COL24A1: variants seen among roughly 807,000 people sequenced by gnomAD.
COL24A1 encodes the protein collagen type XXIV alpha 1 chain.
A neutral mutation model predicts 253.9 loss-of-function variants in COL24A1; 224 were observed. The ratio of observed to expected loss-of-function variants is 0.88; its 90% CI spans 0.79 to 0.99. The LOEUF (loss-of-function observed/expected upper bound fraction) is 0.99. Among genes scored for constraint, COL24A1 ranks in the 50% least tolerant of loss-of-function variants. The pLI is 0.00. For missense variants in COL24A1, 2,131 were observed against 2,068.5 expected (o/e 1.03, Z -0.59); for synonymous variants, 685 against 673.7 (o/e 1.02, Z -0.26).
intron 19 of COL24A1, among the ~76,000 whole-genome samples, chr1:85,990,559 C>G (rs1247761473): frequency 6.6e-6 from 1 of 152,134 alleles, no homozygotes; most frequent in Non-Finnish European, 1.5e-5. Context: ...GCTGTGCAGC[C>G]CAGTTCCTAA....
At chr1:85,993,505 T>G (rs1694493350) in intron 19 of COL24A1, among the ~76,000 whole-genome samples, 1 of 150,674 alleles carries the variant, frequency 6.6e-6, no homozygotes, top group South Asian at 2.1e-4. Context: ...AAATTCCAAT[T>G]AATCTCGAGT....
At chr1:86,131,569 T>C (rs553968026) in intron 2 of COL24A1, among the ~76,000 whole-genome samples, 1 of 143,790 alleles carries the variant, frequency 7.0e-6, no homozygotes, top group African/African-American at 2.6e-5. Context: ...TGTTCATGTG[T>C]TCTCATTGTT....
chr1:85,923,927 A>T (rs1181305896), intron 24 of COL24A1, among the ~76,000 whole-genome samples: 1 of 152,206 alleles, frequency 6.6e-6, no homozygotes, highest in South Asian at 2.1e-4. Context: ...TGCTAGCAAG[A>T]CTAATAAAGA....
At chr1:85,827,535 G>T (rs936274460) in intron 43 of COL24A1, among the ~76,000 whole-genome samples, 1 of 151,826 alleles carries the variant, frequency 6.6e-6, no homozygotes, top group African/African-American at 2.4e-5. Context: ...GGTAGAATTC[G>T]GCTGTGAATC....
At chr1:85,927,512 C>T (rs536561968) in intron 24 of COL24A1, among the ~76,000 whole-genome samples, 2 of 129,626 alleles carry the variant, frequency 1.5e-5, no homozygotes, top group East Asian at 4.7e-4. Flanking sequence ...GGGAGGGGCG[C>T]CCGCCATTGC....
intron 59 of COL24A1, among the ~76,000 whole-genome samples, chr1:85,733,965 C>T (rs988299946): frequency 2.7e-5 from 4 of 150,414 alleles, no homozygotes; most frequent in African/African-American, 7.3e-5. Flanking sequence ...TGCAGTGGTG[C>T]GATCTTGGCT....
intron 51 of COL24A1, among the ~76,000 whole-genome samples, chr1:85,782,431 T>C (rs1013006284): frequency 1.3e-5 from 2 of 152,290 alleles, no homozygotes; most frequent in South Asian, 4.1e-4. Context: ...TTAGGGTACA[T>C]GTGCACAACG....
intron 5 of COL24A1, among the ~76,000 whole-genome samples, chr1:86,107,950 C>T (rs991913472): frequency 5.9e-5 from 9 of 151,850 alleles, no homozygotes; most frequent in African/African-American, 2.2e-4. Flanking sequence ...TGACTAAATC[C>T]CCAAGAGGCC....
At chr1:85,809,163 T>C (rs902483441) in intron 47 of COL24A1, among the ~76,000 whole-genome samples, 4 of 152,134 alleles carry the variant, frequency 2.6e-5, no homozygotes, top group Non-Finnish European at 4.4e-5. Flanking sequence ...TCCTGAGCAG[T>C]AGGGATTATA....
At chr1:86,022,190 T>C in intron 18 of COL24A1, 50 bp downstream of exon 18, 9 of 1,500,848 alleles carry the variant, frequency 6.0e-6, no homozygotes, top group Non-Finnish European at 7.4e-6. Context: ...ACTCATGCCA[T>C]GACATGCACT....
intron 47 of COL24A1, among the ~76,000 whole-genome samples, chr1:85,812,552 G>A (rs552710435): frequency 6.6e-6 from 1 of 152,324 alleles, no homozygotes; most frequent in South Asian, 2.1e-4. Context: ...AGAGAGCACT[G>A]GCTAAGAGTT....
chr1:86,154,776 C>CG (rs1340731818), intron 1 of COL24A1: 3 of 153,154 alleles, frequency 2.0e-5, no homozygotes, highest in Non-Finnish European at 4.4e-5. Flanking sequence ...GGAAAGCCCT[C>CG]GGGGCAGGAG....
intron 5 of COL24A1, among the ~76,000 whole-genome samples, chr1:86,106,471 CT>C (rs34747466): frequency 1.3e-5 from 2 of 151,940 alleles, no homozygotes; most frequent in Non-Finnish European, 2.9e-5. Flanking sequence ...TCCAAGAGGC[CT>C]TTTTTTGGAA....
At chr1:85,802,070 C>T (rs12088397) in intron 47 of COL24A1, among the ~76,000 whole-genome samples, 1 of 152,254 alleles carries the variant, frequency 6.6e-6, no homozygotes, top group South Asian at 2.1e-4. Context: ...ACCGTGAACA[C>T]CTATAGCCTG....
In COL24A1 at chr1:85,865,994, G is replaced by A. The variant is rs146316541; in HGVS notation, c.3300+2525C>T. 6.4e-3 allele frequency among the ~76,000 whole-genome samples: 979 copies of A among 152,298 alleles called. 8 individuals are homozygous for A. Among genetic ancestry groups the A allele is most frequent in the Non-Finnish European group, 8.6e-3 (588 of 68,026 alleles). ...AATTTCTTTAATGGCTGGGTGTAGC[G>A]GCTCATGCCTGTAATCCCAGCACTT... On this transcript the variant is annotated intron_variant, in intron 37 of 59. Coordinates refer to ENST00000370571, the MANE Select transcript of COL24A1 (RefSeq NM_152890.7).
intron 24 of COL24A1, among the ~76,000 whole-genome samples, 169 bp downstream of exon 24, chr1:85,961,080 C>T (rs554523884): frequency 3.1e-4 from 47 of 151,818 alleles, no homozygotes; most frequent in Non-Finnish European, 5.6e-4. Context: ...CTCTTTTGTA[C>T]AATAGGTTTT....
At chr1:86,014,403 A>C (rs995863321) in intron 19 of COL24A1, among the ~76,000 whole-genome samples, 2 of 152,162 alleles carry the variant, frequency 1.3e-5, no homozygotes, top group Non-Finnish European at 2.9e-5. Flanking sequence ...ACTTTGTTTT[A>C]ATTCATCTGT....
intron 20 of COL24A1, among the ~76,000 whole-genome samples, chr1:85,985,389 T>C (rs1016898593): frequency 6.6e-6 from 1 of 151,790 alleles, no homozygotes; most frequent in African/African-American, 2.4e-5. Context: ...TATGACTGTA[T>C]AACTACAGAA....
intron 57 of COL24A1, among the ~76,000 whole-genome samples, chr1:85,738,704 A>G (rs916543745): frequency 5.3e-5 from 8 of 152,168 alleles, no homozygotes; most frequent in African/African-American, 1.9e-4. Flanking sequence ...GTCCTTGTTC[A>G]TTCCACTTTT....
Sources: gnomAD v4.1 joint callset for allele counts (sites outside exome capture counted in the v4.1 genomes callset) on GRCh38, gnomAD v4.1.1 for gene constraint, MANE v1.5 for transcripts, NCBI Gene and HGNC (gene_info 2026-07-23, HGNC 2026-07-21) for gene names.